PDE10A: variants seen among roughly 807,000 people sequenced by gnomAD.
The protein encoded by PDE10A is phosphodiesterase 10A, also known as cAMP and cAMP-inhibited cGMP 3',5'-cyclic phosphodiesterase 10A.
A neutral mutation model predicts 97.7 loss-of-function variants in PDE10A; 39 were observed. The ratio of observed to expected loss-of-function variants is 0.40; its 90% CI spans 0.31 to 0.52. The LOEUF is 0.52. PDE10A is among the 20% of genes least tolerant of loss of function. The pLI, the probability that PDE10A is intolerant of heterozygous loss-of-function variation, is 0.56. For synonymous variants in PDE10A, 371 were observed against 376.8 expected (o/e 0.98, Z 0.18); for missense variants, 731 against 1,047.8 (o/e 0.70, Z 4.17).
intron 3 of PDE10A, among the ~76,000 whole-genome samples, chr6:165,469,495 C>T (rs543502724): frequency 1.9e-4 from 29 of 152,134 alleles, no homozygotes; most frequent in Non-Finnish European, 3.2e-4. Context: ...GTAATTTATG[C>T]GAAGAATTTT....
At chr6:165,765,832 GC>G (rs1472257611) in intron 1 of PDE10A, among the ~76,000 whole-genome samples, 1 of 152,206 alleles carries the variant, frequency 6.6e-6, no homozygotes, top group Non-Finnish European at 1.5e-5. Flanking sequence ...AGGACTGCCA[GC>G]CCGCTGTCAC....
rs1414545860 is a variant in PDE10A at position 165,582,886 on chromosome 6, GA to G, written c.866-39319del. Reference sequence around the variant, plus strand: ...TCATTCTCACCAGATTTCTCCCCAAGAAAACACACAAGTATGTTTTCCTGTG... The same window carrying G: ...TCATTCTCACCAGATTTCTCCCCAAGAAACACACAAGTATGTTTTCCTGTG... On this transcript the variant is annotated intron_variant, in intron 1 of 21. Coordinates refer to ENST00000539869, the MANE Select transcript of PDE10A (RefSeq NM_001385079.1). Among the ~76,000 whole-genome samples, 6 of 152,140 alleles carry G rather than the reference GA, an allele frequency of 3.9e-5. No individual in the cohort carries two copies. In the East Asian group the frequency reaches 1.2e-3, roughly 29 times the overall value.
intron 2 of PDE10A, among the ~76,000 whole-genome samples, chr6:165,501,785 G>A (rs902839017): frequency 3.3e-5 from 5 of 152,092 alleles, no homozygotes; most frequent in African/African-American, 9.7e-5. Context: ...GCCTTCTGTC[G>A]AACTTGACAA....
Position 165,342,674 on chromosome 6 carries a change from A to G in PDE10A, c.2895+717T>C, listed in dbSNP as rs148232939. ...TACTTTTATTTATTCAAACCAGAAG[A>G]GGTACTCAAAAGATTTACAGCTTTC... On this transcript the variant is annotated intron_variant, in intron 19 of 21. Coordinates refer to ENST00000539869, the MANE Select transcript of PDE10A (RefSeq NM_001385079.1). Among the ~76,000 whole-genome samples, 1,062 of 152,362 alleles carry G rather than the reference A, an allele frequency of 7.0e-3. 22 individuals carry two copies. The highest frequency in any genetic ancestry group is 0.038 in the Admixed American group (587 of 15,304).
chr6:165,336,475 C>T (rs990177542), intron 20 of PDE10A, among the ~76,000 whole-genome samples: 17 of 152,110 alleles, frequency 1.1e-4, no homozygotes, highest in East Asian at 1.9e-4. Context: ...TCTGGCCGGG[C>T]GCGGTGGCTC....
intron 1 of PDE10A, among the ~76,000 whole-genome samples, chr6:165,863,390 A>G (rs1780958349): frequency 6.6e-6 from 1 of 152,212 alleles, no homozygotes; most frequent in African/African-American, 2.4e-5. Context: ...AAAATCCTAG[A>G]AAACAGGTTT....
At chr6:165,774,524 ATAT>A (rs1284454418) in intron 1 of PDE10A, among the ~76,000 whole-genome samples, 1 of 148,040 alleles carries the variant, frequency 6.8e-6, no homozygotes, top group Non-Finnish European at 1.5e-5. Context: ...TATATATTAC[ATAT>A]TATATATAAT....
intron 21 of PDE10A, 79 bp from the exon 22 acceptor site, chr6:165,333,206 C>T (rs1781442152): frequency 1.1e-6 from 1 of 873,306 alleles, no homozygotes; most frequent in Non-Finnish European, 2.0e-6. Context: ...ACCAAACAGT[C>T]CTGTGGCACA....
At chr6:165,686,163 A>G (rs1562684075) in intron 1 of PDE10A, among the ~76,000 whole-genome samples, 1 of 147,622 alleles carries the variant, frequency 6.8e-6, no homozygotes, top group Non-Finnish European at 1.5e-5. Flanking sequence ...ACACACACAC[A>G]CACACACACA....
Position 165,418,871 on chromosome 6 carries a change from T to G in PDE10A, c.1654-94A>C. The stretch of plus-strand genomic sequence containing the variant: ...ATAAAATAAGTATTAATTTCAGCTG[T>G]CCTATACTCTAATTGGTTGGTATTA... On this transcript the variant is annotated intron_variant, in intron 10 of 21. Transcript: ENST00000539869. This position sits in a 1 kb window ranked among gnomAD's most constrained non-coding sequence, Gnocchi z 4.8. 29 of 915,848 alleles carry G rather than the reference T, an allele frequency of 3.2e-5. No homozygotes were observed. Among genetic ancestry groups the G allele is most frequent in the Non-Finnish European group, 4.6e-5 (27 of 589,228 alleles). 56.7% of individuals were successfully genotyped at this position (915,848 alleles called of 1,614,324 possible).
intron 3 of PDE10A, among the ~76,000 whole-genome samples, chr6:165,471,058 T>C (rs965680541): frequency 1.3e-5 from 2 of 152,120 alleles, no homozygotes; most frequent in Non-Finnish European, 2.9e-5. Flanking sequence ...CAAATTCCAA[T>C]TGCTCCAAGA....
intron 1 of PDE10A, among the ~76,000 whole-genome samples, chr6:165,726,305 G>A (rs1055202256): frequency 6.6e-6 from 1 of 152,080 alleles, no homozygotes; most frequent in Non-Finnish European, 1.5e-5. Context: ...ACATTTTACA[G>A]AAATTGGGAA....
At chr6:165,765,569 G>C (rs1777821222) in intron 1 of PDE10A, among the ~76,000 whole-genome samples, 1 of 152,228 alleles carries the variant, frequency 6.6e-6, no homozygotes, top group Admixed American at 6.5e-5. Flanking sequence ...GGGCCGGCTG[G>C]CTGCTCCGAG....
At chr6:165,807,466 G>A (rs1049583196) in intron 1 of PDE10A, among the ~76,000 whole-genome samples, 2 of 152,050 alleles carry the variant, frequency 1.3e-5, no homozygotes, top group Non-Finnish European at 1.5e-5. Flanking sequence ...ATTACAACCC[G>A]AGCTCCCACA....
At chr6:165,758,514 A>AAGAC (rs1554317310) in intron 1 of PDE10A, among the ~76,000 whole-genome samples, 3 of 133,288 alleles carry the variant, frequency 2.3e-5, no homozygotes, top group East Asian at 2.1e-4. Context: ...AAGAAGAAAG[A>AAGAC]AGAAGAAGAA....
Position 165,684,261 on chromosome 6 carries a change from C to T in PDE10A, c.-614-140693G>A, listed in dbSNP as rs540762085. ...GGCAGGGATATTTGTATTTTGCTCACTGCTATACCCCAGAACATAGGACTG... is the reference window on the plus strand; with the variant it reads ...GGCAGGGATATTTGTATTTTGCTCATTGCTATACCCCAGAACATAGGACTG... On this transcript the variant is annotated intron_variant, in intron 1 of 19. Transcript: ENST00000366882. Among the ~76,000 whole-genome samples, 21 of 152,332 alleles carry T rather than the reference C, an allele frequency of 1.4e-4. No homozygotes were observed. The South Asian group carries it at 4.3e-3, about 32-fold the overall frequency.
intron 1 of PDE10A, among the ~76,000 whole-genome samples, chr6:165,900,003 C>T (rs1782059699): frequency 1.3e-5 from 2 of 152,220 alleles, no homozygotes; most frequent in Admixed American, 6.5e-5. Flanking sequence ...GGTCCTGCTG[C>T]CAGGAGCCAA....
intron 1 of PDE10A, among the ~76,000 whole-genome samples, chr6:165,925,623 A>G (rs550765916): frequency 8.5e-5 from 13 of 152,362 alleles, no homozygotes; most frequent in Admixed American, 4.6e-4. Context: ...ATCTCAAAAG[A>G]CTACATAGTA....
At chr6:165,567,983 C>G (rs11759742) in intron 1 of PDE10A, among the ~76,000 whole-genome samples, 3 of 145,764 alleles carry the variant, frequency 2.1e-5, no homozygotes, top group Non-Finnish European at 4.5e-5. Context: ...ACAATAGGTA[C>G]GCAACAAGGC....
Sources: gnomAD v4.1 joint callset for allele counts (sites outside exome capture counted in the v4.1 genomes callset) on GRCh38, gnomAD v4.1.1 for gene constraint, Gnocchi (gnomAD v3.1) non-coding constraint, MANE v1.5 for transcripts, NCBI Gene and HGNC (gene_info 2026-07-23, HGNC 2026-07-21) for gene names.